A2ML1: variants seen among roughly 807,000 people sequenced by gnomAD.
A2ML1 encodes the protein alpha-2-macroglobulin like 1.
A neutral mutation model predicts 181.9 loss-of-function variants in A2ML1; 161 were observed. The observed-to-expected ratio is 0.89, with a 90% CI of 0.78 to 1.01. The LOEUF is 1.01. Among genes scored for constraint, A2ML1 ranks in the 50% least tolerant of loss-of-function variants. The pLI, the probability that A2ML1 is intolerant of heterozygous loss-of-function variation, is 0.00. For missense variants in A2ML1, 1,670 were observed against 1,768.1 expected (o/e 0.94, Z 1.00); for synonymous variants, 663 against 666.8 (o/e 0.99, Z 0.09).
intron 33 of A2ML1, among the ~76,000 whole-genome samples, chr12:8,873,812 C>A (rs2136992442): frequency 6.6e-6 from 1 of 152,170 alleles, no homozygotes; most frequent in East Asian, 1.9e-4. Flanking sequence ...GCCTCTGTTT[C>A]TCTGGCCACT....
At chr12:8,847,878 G>A (rs1050443428) in intron 15 of A2ML1, among the ~76,000 whole-genome samples, 180 bp downstream of exon 15, 3 of 152,104 alleles carry the variant, frequency 2.0e-5, no homozygotes, top group Admixed American at 1.3e-4. Flanking sequence ...GGTGGCTCAC[G>A]CCTGTAATCC....
chr12:8,839,371 C>T, intron 10 of A2ML1, 149 bp downstream of exon 10: 1 of 548,258 alleles, frequency 1.8e-6, no homozygotes, highest in Non-Finnish European at 3.2e-6. Flanking sequence ...TGCAATGAGG[C>T]AGGCACTGTA....
Position 8,845,653 on chromosome 12 carries a change from T to C in A2ML1, c.1537+151T>C, listed in dbSNP as rs531068073. On this transcript the variant is annotated intron_variant, in intron 13 of 35. Coordinates refer to ENST00000299698, the MANE Select transcript of A2ML1 (RefSeq NM_144670.6). ...ACGATGTCGGGAGATCGAGACCATC[T>C]TGGCTAACATGGTGAAACCCCGTCT... 1,812 of 708,214 alleles carry C rather than the reference T, an allele frequency of 2.6e-3. 5 individuals carry two copies. The highest frequency in any genetic ancestry group is 7.6e-3 in the African/African-American group (424 of 55,626). 43.9% of individuals were successfully genotyped at this position (708,214 alleles called of 1,614,324 possible).
Position 8,823,198 on chromosome 12 carries a change from T to C in A2ML1, c.79T>C (p.Leu27=). ...CTTTAATAGAAACTACCTGGTGACA[T>C]TACCAGCCCGGCTAAATTTCCCCTC... is the stretch of plus-strand genomic sequence containing the variant. ...AEELPNYLVT[L]PARLNFPSVQ... The change falls in exon 2 of 36, where the codon TTA becomes CTA. Residue 27 remains leucine (L), a synonymous_variant. Transcript: ENST00000299698. 6.2e-7 allele frequency: 1 copy of C among 1,613,816 alleles called. No homozygotes were observed. The highest frequency in any genetic ancestry group is 8.5e-7 in the Non-Finnish European group (1 of 1,179,956).
At chr12:8,841,756 T>C in intron 11 of A2ML1, among the ~76,000 whole-genome samples, 1 of 152,208 alleles carries the variant, frequency 6.6e-6, no homozygotes, top group East Asian at 1.9e-4. Context: ...CTATTTCTAC[T>C]AATACATCTT....
Position 8,839,169 on chromosome 12 carries a change from A to T in A2ML1, c.1027A>T (p.Thr343Ser). 6.2e-7 allele frequency: 1 copy of T among 1,613,688 alleles called. No homozygotes were observed. ...CATTTCTCCACAAATGGGATCAATGACCTTTGAAGACACCAGCAATTTTTA... is the reference window on the plus strand; with the variant it reads ...CATTTCTCCACAAATGGGATCAATGTCCTTTGAAGACACCAGCAATTTTTA... Reference protein sequence around the residue: ...IYISPQMGSMTFEDTSNFYHP... With the variant: ...IYISPQMGSMSFEDTSNFYHP... Residue 343 changes from threonine (T) to serine (S), a missense_variant, in exon 10 of 36, where the codon ACC becomes TCC. Coordinates refer to ENST00000299698, the MANE Select transcript of A2ML1 (RefSeq NM_144670.6).
intron 29 of A2ML1, among the ~76,000 whole-genome samples, chr12:8,866,061 T>G (rs1207490534): frequency 1.3e-5 from 2 of 152,096 alleles, no homozygotes; most frequent in Non-Finnish European, 2.9e-5. Context: ...CTCACGCCTG[T>G]AATCCCAGCA....
At chr12:8,829,836 A>T in intron 4 of A2ML1, 57 bp downstream of exon 4, 1 of 1,606,058 alleles carries the variant, frequency 6.2e-7, no homozygotes, top group Non-Finnish European at 8.5e-7. Context: ...AGGATGAGAG[A>T]TTCTCTAGGG....
chr12:8,837,311 C>A, intron 7 of A2ML1, 129 bp from the exon 8 acceptor site: 2 of 1,272,902 alleles, frequency 1.6e-6, no homozygotes, highest in South Asian at 1.2e-5. Context: ...TGAGCCACTG[C>A]ACTGGCCCAG....
At chr12:8,834,003 G>C (rs927747672) in intron 4 of A2ML1, among the ~76,000 whole-genome samples, 1 of 151,698 alleles carries the variant, frequency 6.6e-6, no homozygotes, top group African/African-American at 2.4e-5. Context: ...ATCCAAACTG[G>C]TCTTCTCTTT....
In A2ML1 at chr12:8,847,245, T is replaced by TAA. The variant is rs569093906; in HGVS notation, c.1684-286_1684-285dup. 0.029 allele frequency among the ~76,000 whole-genome samples: 3,537 copies of TAA among 121,746 alleles called. 79 individuals carry two copies. The highest frequency in any genetic ancestry group is 0.039 in the Non-Finnish European group (2,312 of 59,916). The allele number at this position is 121,746 out of a possible 152,430, so 79.9% of individuals were successfully genotyped here. A position where few individuals can be genotyped will look rare whatever the true frequency, so the allele number is the denominator to read the frequency against. On this transcript the variant is annotated intron_variant, in intron 14 of 35. Transcript: ENST00000299698. ...ATTACAGGCATGACCCTGTCTCTAT[T>TAA]AAAAAAAAAAAAAAAAAAAGCCATA... is the stretch of plus-strand genomic sequence containing the variant.
chr12:8,853,768 A>G (rs1366311423), intron 20 of A2ML1, among the ~76,000 whole-genome samples: 1 of 152,220 alleles, frequency 6.6e-6, no homozygotes, highest in Non-Finnish European at 1.5e-5. Context: ...GGGTGCACCC[A>G]AGATGGAAGC....
chr12:8,882,506 A>G (rs1364890046), intron 7 of A2ML1, among the ~76,000 whole-genome samples: 2 of 152,190 alleles, frequency 1.3e-5, no homozygotes, highest in African/African-American at 4.8e-5. Context: ...AATATTTATC[A>G]TATCTCATCC....
intron 4 of A2ML1, 39 bp downstream of exon 4, chr12:8,829,818 C>T: frequency 1.2e-6 from 2 of 1,611,802 alleles, no homozygotes; most frequent in Non-Finnish European, 1.7e-6. Flanking sequence ...GCAGGGAGAA[C>T]AGGGAAAAGG....
At chr12:8,884,240 TGTTTTG>T (rs755481012) in intron 7 of A2ML1, among the ~76,000 whole-genome samples, 8 of 139,002 alleles carry the variant, frequency 5.8e-5, no homozygotes, top group South Asian at 2.2e-4. Context: ...TGTTTTTTTT[TGTTTTG>T]TTTTTTTTTA....
At chr12:8,874,334 A>C in intron 33 of A2ML1, 91 bp from the exon 34 acceptor site, 2 of 1,056,454 alleles carry the variant, frequency 1.9e-6, no homozygotes, top group Non-Finnish European at 2.8e-6. Flanking sequence ...GAAAATCTAC[A>C]TGAAGACAGC....
intron 33 of A2ML1, among the ~76,000 whole-genome samples, chr12:8,871,316 C>T (rs1191893053): frequency 6.6e-6 from 1 of 152,108 alleles, no homozygotes; most frequent in African/African-American, 2.4e-5. Context: ...TCCAAAAGAA[C>T]ATCTATTTCT....
chr12:8,848,504 G>A (rs140427570), intron 15 of A2ML1, among the ~76,000 whole-genome samples: 45 of 152,020 alleles, frequency 3.0e-4, no homozygotes, highest in African/African-American at 9.9e-4. Context: ...GAAAGAGAAC[G>A]AAATAGGGGA....
intron 28 of A2ML1, among the ~76,000 whole-genome samples, chr12:8,863,395 G>C (rs1194784589): frequency 6.6e-6 from 1 of 151,980 alleles, no homozygotes; most frequent in Non-Finnish European, 1.5e-5. Flanking sequence ...GTGAGCCACC[G>C]CACCCGGCCT....
Sources: gnomAD v4.1 joint callset for allele counts (sites outside exome capture counted in the v4.1 genomes callset) on GRCh38, gnomAD v4.1.1 for gene constraint, MANE v1.5 for transcripts, NCBI Gene and HGNC (gene_info 2026-07-23, HGNC 2026-07-21) for gene names.